Variants in VPS8 observed in about 807,000 individuals in gnomAD.
VPS8 encodes the protein vacuolar protein sorting-associated protein 8 homolog.
In VPS8, 129 loss-of-function variants were observed where a neutral mutation model predicts 216.4. That is an observed-to-expected ratio of 0.60 (90% CI 0.52 to 0.69). The LOEUF (loss-of-function observed/expected upper bound fraction) is 0.69. Among genes scored for constraint, VPS8 ranks in the 30% least tolerant of loss-of-function variants. VPS8 has a pLI of 0.00. For synonymous variants in VPS8, 571 were observed against 565.4 expected, an observed-to-expected ratio of 1.01 and a Z score of -0.14; for missense variants, 1,531 against 1,683.5, an observed-to-expected ratio of 0.91 and a Z score of 1.59.
chr3:184,971,235 C>G (rs1051244219), intron 39 of VPS8, among the ~76,000 whole-genome samples: 1 of 152,100 alleles, frequency 6.6e-6, no homozygotes. Context: ...ACAAGAATGG[C>G]TGAAATCATT....
chr3:184,886,059 A>G (rs756530730), intron 21 of VPS8, 51 bp from the exon 22 acceptor site: 20 of 1,568,878 alleles, frequency 1.3e-5, no homozygotes, highest in Admixed American at 1.8e-5. Flanking sequence ...TTATCAGTGG[A>G]CCACTGGACA....
At chr3:184,887,513 G>A (rs886406183) in intron 22 of VPS8, among the ~76,000 whole-genome samples, 5 of 151,790 alleles carry the variant, frequency 3.3e-5, no homozygotes, top group African/African-American at 1.2e-4. Flanking sequence ...AGTGAGGTAG[G>A]GATTATTATC....
intron 35 of VPS8, among the ~76,000 whole-genome samples, chr3:184,938,641 C>CTTTT (rs1298836777): frequency 7.4e-4 from 102 of 138,130 alleles, no homozygotes; most frequent in Non-Finnish European, 9.1e-4. Context: ...CTTTTCTTTT[C>CTTTT]TTTTTTTCTT....
At chr3:184,831,940 A>G (rs892594884) in intron 3 of VPS8, among the ~76,000 whole-genome samples, 2 of 152,132 alleles carry the variant, frequency 1.3e-5, no homozygotes, top group Admixed American at 1.3e-4. Flanking sequence ...TCCACTTCTT[A>G]AAAATGTCAG....
intron 45 of VPS8, among the ~76,000 whole-genome samples, chr3:185,004,472 AAG>A (rs1753946588): frequency 6.7e-6 from 1 of 149,386 alleles, no homozygotes; most frequent in South Asian, 2.1e-4. Context: ...AGACCGTGGA[AAG>A]AGAGGGAGAG....
At chr3:184,925,179 A>G (rs190182390) in intron 30 of VPS8, among the ~76,000 whole-genome samples, 198 bp downstream of exon 30, 13 of 152,198 alleles carry the variant, frequency 8.5e-5, no homozygotes, top group South Asian at 2.1e-4. Flanking sequence ...TGGTTTACAG[A>G]GATTGTGTTC....
intron 37 of VPS8, among the ~76,000 whole-genome samples, chr3:184,960,436 T>C (rs1746326138): frequency 6.6e-6 from 1 of 152,228 alleles, no homozygotes; most frequent in African/African-American, 2.4e-5. Flanking sequence ...TATTTCGTTA[T>C]TTTCTGTGGC....
chr3:184,936,221 G>A, intron 34 of VPS8, 25 bp from the exon 35 acceptor site: 2 of 1,584,246 alleles, frequency 1.3e-6, no homozygotes, highest in South Asian at 2.3e-5. Flanking sequence ...ATTAGAGATG[G>A]CTTTGTCTTT....
chr3:185,046,739 G>A (rs145496635), intron 46 of VPS8, among the ~76,000 whole-genome samples: 10 of 152,320 alleles, frequency 6.6e-5, no homozygotes, highest in African/African-American at 2.4e-4. Context: ...GAGTTTTACA[G>A]ATAAAGAAAC....
At chr3:185,020,491 A>G (rs1179875666) in intron 45 of VPS8, among the ~76,000 whole-genome samples, 1 of 124,336 alleles carries the variant, frequency 8.0e-6, no homozygotes, top group Non-Finnish European at 1.7e-5. Context: ...TTTTGCATTT[A>G]AAAAGGCCTC....
chr3:184,860,468 T>C (rs13093772), intron 15 of VPS8, among the ~76,000 whole-genome samples: 17 of 147,310 alleles, frequency 1.2e-4, no homozygotes, highest in Middle Eastern at 3.4e-3. Context: ...TACACACACA[T>C]ACACACACAC....
At chr3:184,831,938 T>G (rs747771843) in intron 3 of VPS8, among the ~76,000 whole-genome samples, 5 of 152,204 alleles carry the variant, frequency 3.3e-5, no homozygotes, top group Non-Finnish European at 5.9e-5. Flanking sequence ...TTTCCACTTC[T>G]TAAAAATGTC....
intron 28 of VPS8, among the ~76,000 whole-genome samples, chr3:184,917,556 A>G (rs1737823005): frequency 6.6e-6 from 1 of 152,096 alleles, no homozygotes; most frequent in Non-Finnish European, 1.5e-5. Context: ...CAGCCTCCCC[A>G]GTAGCCAGGA....
At chr3:184,849,579 G>A (rs898695557) in intron 9 of VPS8, 5 of 263,830 alleles carry the variant, frequency 1.9e-5, no homozygotes, top group Non-Finnish European at 2.8e-5. Context: ...TTAGATTATG[G>A]TTTTTTTATC....
intron 45 of VPS8, among the ~76,000 whole-genome samples, chr3:185,018,242 C>A (rs1756103475): frequency 6.6e-6 from 1 of 152,216 alleles, no homozygotes; most frequent in Admixed American, 6.5e-5. Flanking sequence ...AACACTATTT[C>A]CTGAGCAGCC....
chr3:184,983,663 G>T (rs1750575738), intron 42 of VPS8, among the ~76,000 whole-genome samples: 1 of 151,978 alleles, frequency 6.6e-6, no homozygotes, highest in African/African-American at 2.4e-5. Context: ...AATACTCCAA[G>T]ATATATTTTT....
chr3:184,976,000 A>C (rs1359018325), intron 40 of VPS8, among the ~76,000 whole-genome samples: 2 of 152,042 alleles, frequency 1.3e-5, no homozygotes, highest in Non-Finnish European at 2.9e-5. Context: ...CTCCTTCCTC[A>C]TTCCCCCTCT....
chr3:184,828,447 T>G (rs1445208354), intron 3 of VPS8, among the ~76,000 whole-genome samples: 1 of 152,166 alleles, frequency 6.6e-6, no homozygotes, highest in Non-Finnish European at 1.5e-5. Context: ...CCGATGCTTT[T>G]TAAAGTAGAA....
Position 184,989,677 on chromosome 3 carries a change from G to A in VPS8, c.3586-4306G>A, listed in dbSNP as rs145126022. ...AGTGGATTCAATTTGCTAATATTTTGTTGAGGATTTTTGCATCTCTGTTCA... is the reference window on the plus strand; with the variant it reads ...AGTGGATTCAATTTGCTAATATTTTATTGAGGATTTTTGCATCTCTGTTCA... On this transcript the variant is annotated intron_variant, in intron 42 of 47. Transcript: ENST00000625842. Among the ~76,000 whole-genome samples the A allele has an allele frequency of 4.3e-3, 658 of 152,270 alleles. 10 individuals carry two copies. The highest frequency in any genetic ancestry group is 0.015 in the African/African-American group (605 of 41,568).
Sources: allele counts gnomAD v4.1 joint callset (sites outside exome capture counted in the v4.1 genomes callset), GRCh38; gene constraint gnomAD v4.1.1; transcripts MANE v1.5; gene names NCBI Gene and HGNC (gene_info 2026-07-23, HGNC 2026-07-21).